ENOX1: variants seen among roughly 807,000 people sequenced by gnomAD.
ENOX1 encodes the protein ecto-NOX disulfide-thiol exchanger 1.
In ENOX1, 42 loss-of-function variants were observed where a neutral mutation model predicts 82.5. That is an observed-to-expected ratio of 0.51 (90% CI 0.40 to 0.66). The LOEUF is 0.66. Ranked by LOEUF, ENOX1 falls within the 30% of genes least tolerant of loss-of-function variation. ENOX1 has a pLI of 0.00. For synonymous variants in ENOX1, 271 were observed against 282.2 expected, an observed-to-expected ratio of 0.96 and a Z score of 0.40; for missense variants, 608 against 811.6, an observed-to-expected ratio of 0.75 and a Z score of 3.05.
chr13:43,548,954 C>CA (rs973830528), intron 2 of ENOX1, among the ~76,000 whole-genome samples: 6 of 151,694 alleles, frequency 4.0e-5, no homozygotes, highest in African/African-American at 7.3e-5. Flanking sequence ...AAAAAACAAC[C>CA]AAAAAAAACC....
At chr13:43,665,581 T>C (rs1247712394) in intron 2 of ENOX1, among the ~76,000 whole-genome samples, 1 of 152,018 alleles carries the variant, frequency 6.6e-6, no homozygotes, top group Non-Finnish European at 1.5e-5. Flanking sequence ...TTAAACGGTA[T>C]TGAATTAGCT....
intron 3 of ENOX1, among the ~76,000 whole-genome samples, chr13:43,479,498 C>G (rs1434534507): frequency 6.6e-6 from 1 of 152,306 alleles, no homozygotes; most frequent in East Asian, 1.9e-4. Context: ...TGTCCTCTCT[C>G]TGCCATTTTC....
chr13:43,482,072 T>C (rs1478848038), intron 3 of ENOX1, among the ~76,000 whole-genome samples: 2 of 152,192 alleles, frequency 1.3e-5, no homozygotes, highest in East Asian at 3.9e-4. Context: ...ACTTCTGCTG[T>C]GCAGTATGAA....
chr13:43,445,324 C>T (rs58214501), intron 3 of ENOX1, among the ~76,000 whole-genome samples: 5,410 of 152,018 alleles, frequency 0.036, 318 homozygotes, highest in African/African-American at 0.12. Context: ...GGGGTTTCAC[C>T]GTGTTAGCCA....
At chr13:43,274,876 T>C (rs1240931621) in intron 12 of ENOX1, among the ~76,000 whole-genome samples, 1 of 152,224 alleles carries the variant, frequency 6.6e-6, no homozygotes, top group African/African-American at 2.4e-5. Flanking sequence ...CAGTATGTAA[T>C]GGGTCTTTCT....
intron 1 of ENOX1, among the ~76,000 whole-genome samples, chr13:43,710,717 T>G (rs1049491389): frequency 1.3e-5 from 2 of 151,988 alleles, no homozygotes; most frequent in Admixed American, 6.6e-5. Context: ...TAGATAAGAA[T>G]TAACAGAATC....
chr13:43,609,907 A>G (rs2082127535), intron 2 of ENOX1: 1 of 982,270 alleles, frequency 1.0e-6, no homozygotes, highest in Admixed American at 6.1e-5. Context: ...AAATTTTTCC[A>G]TCTTCTGTCC....
intron 2 of ENOX1, among the ~76,000 whole-genome samples, chr13:43,487,075 G>T (rs2153659359): frequency 6.6e-6 from 1 of 152,206 alleles, no homozygotes; most frequent in South Asian, 2.1e-4. Context: ...GGAGGCTGAG[G>T]CAGGGAGAAT....
chr13:43,470,187 T>C (rs2057927414), intron 3 of ENOX1, among the ~76,000 whole-genome samples: 1 of 144,564 alleles, frequency 6.9e-6, no homozygotes, highest in African/African-American at 2.6e-5. Context: ...ACTATATGTG[T>C]GTGTGTATAT....
At chr13:43,658,827 T>C (rs998313214) in intron 2 of ENOX1, among the ~76,000 whole-genome samples, 1 of 152,220 alleles carries the variant, frequency 6.6e-6, no homozygotes, top group Non-Finnish European at 1.5e-5. Context: ...AGGTCTTTCT[T>C]TTTATTAGTT....
rs1478049300 is a variant in ENOX1, at chr13:43,597,955, G to A, written c.-219+69524C>T. Among the ~76,000 whole-genome samples the A allele has an allele frequency of 3.9e-5, 6 of 152,198 alleles. No individual in the cohort carries two copies. The East Asian group carries it at 7.7e-4, about 20-fold the overall frequency. Reference sequence around the variant, plus strand: ...GTACCAGCTTAGCAAGGCCTATCCTGCCCATATTTATGACAGCAAGCCTCC... The same window carrying A: ...GTACCAGCTTAGCAAGGCCTATCCTACCCATATTTATGACAGCAAGCCTCC... On this transcript the variant is annotated intron_variant, in intron 2 of 16. Coordinates refer to ENST00000690772, the MANE Select transcript of ENOX1 (RefSeq NM_001347969.2).
chr13:43,390,032 G>C (rs2052674954), intron 5 of ENOX1, among the ~76,000 whole-genome samples: 1 of 152,148 alleles, frequency 6.6e-6, no homozygotes, highest in Non-Finnish European at 1.5e-5. Context: ...TGCTGAAAAC[G>C]AGGTAAGGAT....
At chr13:43,530,083 G>A (rs2078146701) in intron 2 of ENOX1, among the ~76,000 whole-genome samples, 1 of 152,108 alleles carries the variant, frequency 6.6e-6, no homozygotes, top group Admixed American at 6.6e-5. Flanking sequence ...TATGTTGCCT[G>A]TGAGTGAAGG....
chr13:43,640,884 G>A (rs10781781), intron 2 of ENOX1, among the ~76,000 whole-genome samples: 15 of 132,390 alleles, frequency 1.1e-4, no homozygotes, highest in Admixed American at 5.8e-4. Flanking sequence ...ACACACACGC[G>A]CACACACACA....
chr13:43,720,033 C>T (rs889315455), intron 1 of ENOX1, among the ~76,000 whole-genome samples: 1 of 152,098 alleles, frequency 6.6e-6, no homozygotes, highest in African/African-American at 2.4e-5. Context: ...TAACTGTAAT[C>T]ATTCTAAAAA....
At chr13:43,607,160 C>T (rs1007125146) in intron 2 of ENOX1, among the ~76,000 whole-genome samples, 1 of 151,836 alleles carries the variant, frequency 6.6e-6, no homozygotes, top group African/African-American at 2.4e-5. Flanking sequence ...CCCCATTTAC[C>T]CTGATGTGAT....
intron 3 of ENOX1, among the ~76,000 whole-genome samples, chr13:43,448,662 T>G (rs150548233): frequency 7.2e-5 from 11 of 152,336 alleles, no homozygotes; most frequent in African/African-American, 2.6e-4. Flanking sequence ...TTGATCTAGA[T>G]GAGATGTCAC....
intron 16 of ENOX1, among the ~76,000 whole-genome samples, chr13:43,215,099 CT>C (rs1197354580): frequency 6.6e-6 from 1 of 152,186 alleles, no homozygotes; most frequent in Non-Finnish European, 1.5e-5. Flanking sequence ...AGCTATTACA[CT>C]TTTTCATGGT....
chr13:43,616,848 T>A (rs1165557631), intron 2 of ENOX1, among the ~76,000 whole-genome samples: 1 of 152,186 alleles, frequency 6.6e-6, no homozygotes, highest in Non-Finnish European at 1.5e-5. Flanking sequence ...TTGTTTAATT[T>A]TGTTTTATTA....
Sources: allele counts gnomAD v4.1 joint callset (sites outside exome capture counted in the v4.1 genomes callset), GRCh38; gene constraint gnomAD v4.1.1; transcripts MANE v1.5; gene names NCBI Gene and HGNC (gene_info 2026-07-23, HGNC 2026-07-21).